Variants in FOXJ3 observed in about 807,000 individuals in gnomAD.
FOXJ3 encodes the protein forkhead box J3.
In FOXJ3, 22 loss-of-function variants were observed where a neutral mutation model predicts 76.1. The observed-to-expected ratio is 0.29, with a 90% CI of 0.21 to 0.41. FOXJ3 has a LOEUF of 0.41. FOXJ3 is among the 10% of genes least tolerant of loss of function. FOXJ3 has a pLI of 1.00. For synonymous variants in FOXJ3, 269 were observed against 261.2 expected, an observed-to-expected ratio of 1.03 and a Z score of -0.29; for missense variants, 613 against 762.1, an observed-to-expected ratio of 0.80 and a Z score of 2.30.
intron 5 of FOXJ3, among the ~76,000 whole-genome samples, chr1:42,223,045 A>T (rs912445205): frequency 1.3e-5 from 2 of 152,128 alleles, no homozygotes; most frequent in African/African-American, 4.8e-5. Context: ...CTTGTCCTAA[A>T]ATTATGTGTC....
At chr1:42,181,067 G>C (rs777273882) in intron 12 of FOXJ3, among the ~76,000 whole-genome samples, 1 of 152,152 alleles carries the variant, frequency 6.6e-6, no homozygotes, top group Non-Finnish European at 1.5e-5. Flanking sequence ...AGTTCTTCAA[G>C]GTTTTAAATC....
intron 4 of FOXJ3, among the ~76,000 whole-genome samples, chr1:42,254,047 T>G (rs1650355494): frequency 6.6e-6 from 1 of 150,784 alleles, no homozygotes. Flanking sequence ...TGGGAGAAAA[T>G]TTTCACAACC....
At chr1:42,187,149 A>C (rs190021216) in intron 11 of FOXJ3, among the ~76,000 whole-genome samples, 157 of 151,532 alleles carry the variant, frequency 1.0e-3, no homozygotes, top group Non-Finnish European at 1.7e-3. Flanking sequence ...TGCCTGGCCG[A>C]GACTGCCTTC....
intron 2 of FOXJ3, among the ~76,000 whole-genome samples, chr1:42,288,912 T>A (rs1653238208): frequency 6.6e-6 from 1 of 152,208 alleles, no homozygotes; most frequent in African/African-American, 2.4e-5. Flanking sequence ...AAACTTGTTA[T>A]CTATGTTGGC....
At chr1:42,187,272 T>A (rs952397214) in intron 11 of FOXJ3, among the ~76,000 whole-genome samples, 1 of 152,272 alleles carries the variant, frequency 6.6e-6, no homozygotes, top group Admixed American at 6.5e-5. Context: ...ACATAAGCTA[T>A]TTAATTTCAC....
chr1:42,240,537 C>A (rs1228747894), intron 4 of FOXJ3, among the ~76,000 whole-genome samples: 4 of 152,186 alleles, frequency 2.6e-5, no homozygotes, highest in Non-Finnish European at 1.5e-5. Flanking sequence ...ACTGATCCGA[C>A]AGTCTAGAAG....
At chr1:42,331,771 G>C (rs148631664) in intron 1 of FOXJ3, among the ~76,000 whole-genome samples, 55 of 151,588 alleles carry the variant, frequency 3.6e-4, no homozygotes, top group African/African-American at 1.3e-3. Context: ...CCACTGACTT[G>C]TATACTTTAA....
Position 42,179,868 on chromosome 1 carries a change from A to C in FOXJ3, c.1754-43T>G, listed in dbSNP as rs376260316. The stretch of plus-strand genomic sequence containing the variant: ...ATAATAGCAGCGACTTGGGTAGAGA[A>C]GAAAGTAAGAAATAAACTAACCCCT... On this transcript the variant is annotated intron_variant, in intron 12 of 12. Coordinates refer to ENST00000361346, the MANE Select transcript of FOXJ3 (RefSeq NM_014947.5). The C allele has an allele frequency of 6.1e-5, 77 of 1,262,870 alleles. 1 individual carries two copies. The African/African-American group carries it at 1.0e-3, about 17-fold the overall frequency. The allele number at this position is 1,262,870 out of a possible 1,614,324, so 78.2% of individuals were successfully genotyped here.
At chr1:42,200,005 CAAAAAAAAAA>C (rs11355641) in intron 6 of FOXJ3, among the ~76,000 whole-genome samples, 1 of 76,086 alleles carries the variant, frequency 1.3e-5, no homozygotes, top group Non-Finnish European at 2.3e-5. Flanking sequence ...GACTCTGTCT[CAAAAAAAAAA>C]AAAAAAAAAA....
At chr1:42,321,175 A>G (rs1307780004) in intron 1 of FOXJ3, among the ~76,000 whole-genome samples, 2 of 152,158 alleles carry the variant, frequency 1.3e-5, no homozygotes, top group African/African-American at 4.8e-5. Flanking sequence ...ATTTAGGTGA[A>G]ACTTGGGAAA....
intron 7 of FOXJ3, among the ~76,000 whole-genome samples, chr1:42,195,674 T>C (rs1646637153): frequency 6.6e-6 from 1 of 152,370 alleles, no homozygotes; most frequent in Admixed American, 6.5e-5. Flanking sequence ...GAAAGGGTGG[T>C]AAACTACCAT....
intron 5 of FOXJ3, among the ~76,000 whole-genome samples, chr1:42,210,346 C>T (rs1646943767): frequency 6.6e-6 from 1 of 152,126 alleles, no homozygotes; most frequent in African/African-American, 2.4e-5. Context: ...CAGACTGGGA[C>T]TTTGGAAAGC....
intron 1 of FOXJ3, chr1:42,323,648 C>A: frequency 1.1e-6 from 1 of 948,098 alleles, no homozygotes; most frequent in Non-Finnish European, 1.3e-6. Flanking sequence ...AGTATCTGTA[C>A]CCATTTCTTG....
At chr1:42,188,634 G>C in intron 11 of FOXJ3, 103 bp downstream of exon 11, 1 of 635,158 alleles carries the variant, frequency 1.6e-6, no homozygotes, top group Non-Finnish European at 2.6e-6. Context: ...TTTGTAAACA[G>C]ATCACTGTCA....
At chr1:42,189,121 C>G (rs2124178769) in intron 10 of FOXJ3, 182 bp downstream of exon 10, 2 of 611,510 alleles carry the variant, frequency 3.3e-6, no homozygotes, top group Non-Finnish European at 5.5e-6. Context: ...GGTCAAATTT[C>G]TTTCAGAACT....
rs760127605 is a variant in FOXJ3 at position 42,283,628 on chromosome 1, C to T, written c.45-4956G>A. Among the ~76,000 whole-genome samples, 4 of 152,192 alleles carry T rather than the reference C, an allele frequency of 2.6e-5. No homozygotes were observed. The East Asian group carries it at 7.7e-4, about 29-fold the overall frequency. On this transcript the variant is annotated intron_variant, in intron 2 of 12. Transcript: ENST00000361346. ...GAATCCTCCCACTTCATTCCCGGCA[C>T]ATGGCATTTCATCTTAAGACCTGCG...
intron 1 of FOXJ3, among the ~76,000 whole-genome samples, chr1:42,326,312 G>A (rs1032924719): frequency 9.9e-5 from 15 of 152,128 alleles, no homozygotes; most frequent in African/African-American, 3.1e-4. Context: ...AAATCAAACT[G>A]TATACGTTTT....
chr1:42,268,525 C>T (rs1364717532), intron 3 of FOXJ3, among the ~76,000 whole-genome samples: 1 of 151,678 alleles, frequency 6.6e-6, no homozygotes, highest in Non-Finnish European at 1.5e-5. Flanking sequence ...AGATTTAATG[C>T]TTTAAAAAAA....
At position 42,177,891 on chromosome 1, in the gene FOXJ3, C is replaced by T. The variant is rs1646244592; in HGVS notation, c.*1819G>A. 1 of 152,496 alleles carries T rather than the reference C, an allele frequency of 6.6e-6. No homozygotes were observed. Among genetic ancestry groups the T allele is most frequent in the Non-Finnish European group, 1.5e-5 (1 of 68,028 alleles). 9.4% of individuals were successfully genotyped at this position (152,496 alleles called of 1,614,324 possible). On this transcript the variant is annotated 3_prime_UTR_variant, in exon 13 of 13. Coordinates refer to ENST00000361346, the MANE Select transcript of FOXJ3 (RefSeq NM_014947.5). ...GGCTAATTAAAGTGATTTAGCATGG[C>T]TGATAAGACCAGAGATGCTAAAAAG...
Sources: gnomAD v4.1 joint callset for allele counts (sites outside exome capture counted in the v4.1 genomes callset) on GRCh38, gnomAD v4.1.1 for gene constraint, MANE v1.5 for transcripts, NCBI Gene and HGNC (gene_info 2026-07-23, HGNC 2026-07-21) for gene names.